HIPK3: variants seen among roughly 807,000 people sequenced by gnomAD.
The protein encoded by HIPK3 is homeodomain interacting protein kinase 3, also known as homeodomain-interacting protein kinase 3.
HIPK3 carries 47 observed loss-of-function variants against 124.2 expected under a neutral mutation model. That is an observed-to-expected ratio of 0.38 (90% confidence interval 0.30 to 0.48). The LOEUF (loss-of-function observed/expected upper bound fraction) is 0.48, where lower values mean the gene tolerates loss of function less well. Ranked by LOEUF, HIPK3 falls within the 20% of genes least tolerant of loss-of-function variation. The pLI, the probability that HIPK3 is intolerant of heterozygous loss-of-function variation, is 0.98. For missense variants in HIPK3, 1,286 were observed against 1,454.3 expected, an observed-to-expected ratio of 0.88 and a Z score of 1.88; for synonymous variants, 482 against 515.2, an observed-to-expected ratio of 0.94 and a Z score of 0.87.
intron 1 of HIPK3, among the ~76,000 whole-genome samples, chr11:33,269,527 A>C (rs767274017): frequency 6.6e-6 from 1 of 151,500 alleles, no homozygotes; most frequent in Non-Finnish European, 1.5e-5. Flanking sequence ...TACAACATTG[A>C]CTCTTTTTCC....
intron 8 of HIPK3, among the ~76,000 whole-genome samples, chr11:33,342,273 G>A (rs1338801334): frequency 2.0e-5 from 3 of 152,080 alleles, no homozygotes; most frequent in Non-Finnish European, 4.4e-5. Flanking sequence ...AGGAATGAAT[G>A]AACTTGGGCT....
rs779785386 is a variant in HIPK3 at position 33,261,681 on chromosome 11, T to C, written c.-3+3792T>C. ...TGTGAATAGTGTTACAGTGAACATA[T>C]ACATGCATGTGTCTTTATGATAAAA... On this transcript the variant is annotated intron_variant, in intron 1 of 16. Coordinates refer to ENST00000303296, the MANE Select transcript of HIPK3 (RefSeq NM_005734.5). Among the ~76,000 whole-genome samples, 3 of 152,232 alleles carry C rather than the reference T, an allele frequency of 2.0e-5. No homozygotes were observed. In the East Asian group the frequency reaches 5.8e-4, roughly 29 times the overall value.
At chr11:33,281,933 A>G (rs544138080) in intron 1 of HIPK3, among the ~76,000 whole-genome samples, 3 of 152,136 alleles carry the variant, frequency 2.0e-5, no homozygotes, top group Non-Finnish European at 4.4e-5. Flanking sequence ...AGTTGCCTGC[A>G]TTTCTAGGTC....
At chr11:33,318,825 A>T (rs1006249855) in intron 2 of HIPK3, among the ~76,000 whole-genome samples, 1 of 152,202 alleles carries the variant, frequency 6.6e-6, no homozygotes, top group Non-Finnish European at 1.5e-5. Context: ...AAATCAGAGG[A>T]TATCTTTATT....
rs372352323 is a variant in HIPK3 at position 33,349,242 on chromosome 11, G to A, written c.2762G>A (p.Ser921Asn). The change falls in exon 14 of 17, where the codon AGC becomes AAC. Residue 921 changes from serine (S) to asparagine (N), a missense_variant. Physicochemically the swap from Ser to Asn is conservative, Grantham distance 46 (BLOSUM62 1). Around this residue, in one of 3 missense-constraint regions of HIPK3, gnomAD observed 810 missense variants for 864.9 expected, o/e 0.94. Coordinates refer to ENST00000303296, the MANE Select transcript of HIPK3 (RefSeq NM_005734.5). ...LSSPDSTLST[S>N]SSGQSSPSPC... is the part of the protein sequence containing the mutation. Reference sequence around the variant, plus strand: ...AGTCCTGATAGTACTCTGAGTACCAGCTCCTCAGGGCAGTCCAGCCCATCC... The same window carrying A: ...AGTCCTGATAGTACTCTGAGTACCAACTCCTCAGGGCAGTCCAGCCCATCC... 192 of 1,613,764 alleles carry A rather than the reference G, an allele frequency of 1.2e-4. No homozygotes were observed. The highest frequency in any genetic ancestry group is 1.6e-4 in the Non-Finnish European group (186 of 1,179,770).
rs1414212015 is a variant in HIPK3, at chr11:33,356,890, A to G, written c.*3322A>G. On this transcript the variant is annotated 3_prime_UTR_variant, in exon 17 of 17. Transcript: ENST00000303296. Reference sequence around the variant, plus strand: ...TTCTCTCTAGTTCTCAGTGATTTAAATGTGACCAAGCCTTCTGTACTTTGT... The same window carrying G: ...TTCTCTCTAGTTCTCAGTGATTTAAGTGTGACCAAGCCTTCTGTACTTTGT... The G allele has an allele frequency of 6.6e-6, 1 of 152,138 alleles. No individual in the cohort carries two copies. The highest frequency in any genetic ancestry group is 2.4e-5 in the African/African-American group (1 of 41,448). 9.4% of individuals were successfully genotyped at this position (152,138 alleles called of 1,614,324 possible).
intron 2 of HIPK3, among the ~76,000 whole-genome samples, chr11:33,325,740 G>T (rs1057497651): frequency 2.6e-5 from 4 of 151,996 alleles, no homozygotes; most frequent in Non-Finnish European, 1.5e-5. Flanking sequence ...CACAAATAAT[G>T]AACAAAAAGG....
At chr11:33,274,388 A>G (rs780240242) in intron 1 of HIPK3, among the ~76,000 whole-genome samples, 1 of 152,338 alleles carries the variant, frequency 6.6e-6, no homozygotes, top group Admixed American at 6.5e-5. Flanking sequence ...AGATTTTCCT[A>G]TAAAGTAGAA....
chr11:33,304,284 G>A (rs266449), intron 2 of HIPK3, among the ~76,000 whole-genome samples: 2,046 of 152,294 alleles, frequency 0.013, 49 homozygotes, highest in African/African-American at 0.046. Flanking sequence ...GCGGGCAGGC[G>A]CAGTGGCTCA....
rs1392792198 is a variant in HIPK3 at position 33,355,376 on chromosome 11, CTT to C, written c.*1809_*1810del. On this transcript the variant is annotated 3_prime_UTR_variant, in exon 17 of 17. Coordinates refer to ENST00000303296, the MANE Select transcript of HIPK3 (RefSeq NM_005734.5). Reference sequence around the variant, plus strand: ...AAAAAACTTGGATGTATCAGTGTAACTTAATTTTTTATTTTCATACTGGCATT... The same window carrying C: ...AAAAAACTTGGATGTATCAGTGTAACAATTTTTTATTTTCATACTGGCATT... The C allele has an allele frequency of 1.3e-5, 2 of 151,948 alleles. No homozygotes were observed. The highest frequency in any genetic ancestry group is 1.3e-4 in the Admixed American group (2 of 15,256). The allele number at this position is 151,948 out of a possible 1,614,324, so 9.4% of individuals were successfully genotyped here.
chr11:33,296,568 C>T (rs192070259), intron 2 of HIPK3, among the ~76,000 whole-genome samples: 8 of 152,312 alleles, frequency 5.3e-5, no homozygotes, highest in Admixed American at 4.6e-4. Context: ...ATTTTCTCAA[C>T]AGCATGCGCT....
chr11:33,300,980 C>G (rs1380797433), intron 2 of HIPK3, among the ~76,000 whole-genome samples: 2 of 152,058 alleles, frequency 1.3e-5, no homozygotes, highest in African/African-American at 4.8e-5. Flanking sequence ...GTGTTGGTCT[C>G]CCAAAGTGCT....
rs372642188 is a variant in HIPK3, at chr11:33,286,476, G to A, written c.62G>A (p.Cys21Tyr). 70 of 1,596,294 alleles carry A rather than the reference G, an allele frequency of 4.4e-5. No individual in the cohort carries two copies. Among genetic ancestry groups the A allele is most frequent in the Non-Finnish European group, 5.8e-5 (68 of 1,175,942 alleles). Residue 21 changes from cysteine to tyrosine, a missense_variant, in exon 2 of 17, where the codon TGT (cysteine) becomes TAT (tyrosine). By Grantham distance (194) the Cys-to-Tyr change is radical. Around this residue, in one of 3 missense-constraint regions of HIPK3, gnomAD observed 225 missense variants for 240.3 expected, o/e 0.94. Coordinates refer to ENST00000303296, the MANE Select transcript of HIPK3 (RefSeq NM_005734.5). ...TATCAAACTCAGTCAAGTGCCTTTT[G>A]TAGTGTGAAGAAACTCAAAGTAGAG... The part of the protein sequence containing the change: ...YVYQTQSSAF[C>Y]SVKKLKVEPS...
intron 1 of HIPK3, 135 bp downstream of exon 1, chr11:33,258,024 G>T (rs969945081): frequency 1.4e-6 from 1 of 729,892 alleles, no homozygotes; most frequent in Non-Finnish European, 1.6e-6. Flanking sequence ...CACTCATTGC[G>T]CGTCCCGTGC....
At chr11:33,346,176 ATT>A (rs1853486993) in intron 8 of HIPK3, among the ~76,000 whole-genome samples, 1 of 152,184 alleles carries the variant, frequency 6.6e-6, no homozygotes, top group Admixed American at 6.5e-5. Context: ...AGAGTTCAAT[ATT>A]ATAAGACTTA....
At chr11:33,314,198 G>C (rs1852428574) in intron 2 of HIPK3, among the ~76,000 whole-genome samples, 1 of 152,186 alleles carries the variant, frequency 6.6e-6, no homozygotes, top group Admixed American at 6.5e-5. Flanking sequence ...CTGTCACTCA[G>C]ACTGCATAGG....
intron 2 of HIPK3, among the ~76,000 whole-genome samples, chr11:33,308,890 T>C (rs892775668): frequency 6.6e-6 from 1 of 151,920 alleles, no homozygotes; most frequent in African/African-American, 2.4e-5. Flanking sequence ...TGCTTTTCTG[T>C]TTCAATCTGT....
intron 2 of HIPK3, among the ~76,000 whole-genome samples, chr11:33,321,609 A>G (rs926717179): frequency 1.3e-5 from 2 of 152,174 alleles, no homozygotes; most frequent in African/African-American, 2.4e-5. Flanking sequence ...TTCAAATTAC[A>G]TCTATTTATT....
chr11:33,331,732 C>T (rs1040772428), intron 3 of HIPK3, among the ~76,000 whole-genome samples: 2 of 151,974 alleles, frequency 1.3e-5, no homozygotes, highest in African/African-American at 4.8e-5. Context: ...GTGCAGTGGG[C>T]AATAGTAATA....
Sources: allele counts gnomAD v4.1 joint callset (sites outside exome capture counted in the v4.1 genomes callset), GRCh38; gene constraint gnomAD v4.1.1; regional missense constraint gnomAD v4.1.1; transcripts MANE v1.5; gene names NCBI Gene and HGNC (gene_info 2026-07-23, HGNC 2026-07-21).